Variants in LAMA2 observed in about 807,000 individuals in gnomAD.
LAMA2 encodes laminin subunit alpha-2.
Under a neutral mutation model 364.8 loss-of-function variants are expected in LAMA2, and 269 were observed. The observed-to-expected ratio is 0.74, with a 90% CI of 0.67 to 0.82. The LOEUF is 0.82. Among genes scored for constraint, LAMA2 ranks in the 40% least tolerant of loss-of-function variants. The pLI is 0.00. For missense variants in LAMA2, 3,807 were observed against 3,873.2 expected, an observed-to-expected ratio of 0.98 and a Z score of 0.45; for synonymous variants, 1,379 against 1,370.6, an observed-to-expected ratio of 1.01 and a Z score of -0.14.
At chr6:129,201,447 G>A (rs776682659) in intron 12 of LAMA2, among the ~76,000 whole-genome samples, 1 of 152,090 alleles carries the variant, frequency 6.6e-6, no homozygotes, top group Non-Finnish European at 1.5e-5. Flanking sequence ...GCTAATGAAA[G>A]AATCACTAAA....
intron 60 of LAMA2, 81 bp from the exon 61 acceptor site, chr6:129,505,119 C>G: frequency 2.4e-6 from 3 of 1,249,716 alleles, no homozygotes. Context: ...TTGGTAACAT[C>G]GTTAGAGTCC....
At chr6:129,203,713 T>C (rs975900293) in intron 12 of LAMA2, among the ~76,000 whole-genome samples, 39 of 152,216 alleles carry the variant, frequency 2.6e-4, no homozygotes, top group African/African-American at 8.9e-4. Flanking sequence ...GATGACCTGA[T>C]TCTCTCATTT....
chr6:129,022,724 A>G lies in LAMA2; in HGVS notation c.113-27194A>G, dbSNP rs562079823. ...TTCCTTTCAATAATAAGCAAAAACA[A>G]TTTTCATAGCTACAAACCGCCGACA... On this transcript the variant is annotated intron_variant, in intron 1 of 64. Transcript: ENST00000421865. 2.0e-5 allele frequency among the ~76,000 whole-genome samples: 3 copies of G among 152,292 alleles called. No individual in the cohort carries two copies. The South Asian group carries it at 6.2e-4, about 32-fold the overall frequency.
intron 7 of LAMA2, among the ~76,000 whole-genome samples, chr6:129,152,404 T>A (rs1275315609): frequency 6.6e-6 from 1 of 152,256 alleles, no homozygotes; most frequent in Non-Finnish European, 1.5e-5. Context: ...GGGGAATTTT[T>A]TAAGCGATTA....
At chr6:129,374,149 A>T (rs1011201329) in intron 34 of LAMA2, among the ~76,000 whole-genome samples, 6 of 152,228 alleles carry the variant, frequency 3.9e-5, no homozygotes, top group African/African-American at 1.4e-4. Flanking sequence ...AACATGACCA[A>T]TTCTCTCTTT....
chr6:129,093,581 A>G (rs1774982730), intron 3 of LAMA2, among the ~76,000 whole-genome samples: 1 of 152,172 alleles, frequency 6.6e-6, no homozygotes, highest in Non-Finnish European at 1.5e-5. Context: ...TTTTGAGACT[A>G]AAGGATTCTT....
intron 35 of LAMA2, among the ~76,000 whole-genome samples, chr6:129,388,268 A>C (rs189131054): frequency 0.012 from 1,883 of 151,438 alleles, 32 homozygotes; most frequent in African/African-American, 0.043. Flanking sequence ...AAAAAAAAAA[A>C]CAAAAACAAA....
rs551636060 is a variant in LAMA2, at chr6:129,172,829, A to G, written c.1307-4877A>G. On this transcript the variant is annotated intron_variant, in intron 9 of 64. Coordinates refer to ENST00000421865, the MANE Select transcript of LAMA2 (RefSeq NM_000426.4). ...CTGTGCTAGCAATCAGCGAGACTCC[A>G]TGGGCGTAGGACCCTCCAAGCCAGG... Among the ~76,000 whole-genome samples the G allele has an allele frequency of 5.6e-4, 85 of 152,342 alleles. 1 individual carries two copies. Among genetic ancestry groups the G allele is most frequent in the East Asian group, 3.5e-3 (18 of 5,178 alleles).
intron 1 of LAMA2, among the ~76,000 whole-genome samples, chr6:128,930,717 C>G (rs1187503572): frequency 1.3e-5 from 2 of 152,220 alleles, no homozygotes; most frequent in Non-Finnish European, 2.9e-5. Context: ...CTCAAAGTCT[C>G]TTCTCCCTCC....
chr6:129,203,056 TA>T (rs1232231813), intron 12 of LAMA2, among the ~76,000 whole-genome samples: 1 of 152,200 alleles, frequency 6.6e-6, no homozygotes, highest in African/African-American at 2.4e-5. Flanking sequence ...AAACTTAAAG[TA>T]GAACTTCAAA....
At chr6:128,909,940 T>C (rs928801099) in intron 1 of LAMA2, among the ~76,000 whole-genome samples, 19 of 151,960 alleles carry the variant, frequency 1.3e-4, no homozygotes, top group Admixed American at 6.5e-4. Context: ...AAAATTCTTT[T>C]CTTTAAGAAT....
intron 1 of LAMA2, among the ~76,000 whole-genome samples, chr6:128,996,426 A>T (rs536696246): frequency 2.0e-5 from 3 of 152,344 alleles, no homozygotes; most frequent in African/African-American, 7.2e-5. Flanking sequence ...ACATAAACAA[A>T]TTCACAAGAA....
At chr6:129,471,170 G>T (rs756443881) in intron 51 of LAMA2, among the ~76,000 whole-genome samples, 1 of 151,794 alleles carries the variant, frequency 6.6e-6, no homozygotes, top group African/African-American at 2.4e-5. Flanking sequence ...GTGAAATTTT[G>T]TGTCAATAGC....
chr6:129,083,970 C>T (rs1466688936), intron 3 of LAMA2, among the ~76,000 whole-genome samples: 2 of 152,074 alleles, frequency 1.3e-5, no homozygotes, highest in African/African-American at 2.4e-5. Context: ...CAAACTGCAC[C>T]GCAGGTGTAT....
intron 1 of LAMA2, among the ~76,000 whole-genome samples, chr6:128,998,391 AGGAGCCAAG>A: frequency 1.4e-5 from 1 of 69,136 alleles, no homozygotes; most frequent in Non-Finnish European, 2.7e-5. Context: ...TGACAGGGGG[AGGAGCCAAG>A]ATGGCCGAAT....
chr6:129,087,623 A>G (rs1048746016), intron 3 of LAMA2, among the ~76,000 whole-genome samples: 1 of 152,172 alleles, frequency 6.6e-6, no homozygotes, highest in South Asian at 2.1e-4. Context: ...GAGAAGAACA[A>G]CATAATCAAA....
rs924741960 is a variant in LAMA2, at chr6:129,474,560, T to C, written c.7440-830T>C. Among the ~76,000 whole-genome samples, 33 of 152,272 alleles carry C rather than the reference T, an allele frequency of 2.2e-4. 1 individual carries two copies. Among genetic ancestry groups the C allele is most frequent in the African/African-American group, 7.7e-4 (32 of 41,568 alleles). ...GTTGAGTATCTACTATGTGACAGGCTCCATACCAAATACTAGGAATCCAGT... is the reference window on the plus strand; with the variant it reads ...GTTGAGTATCTACTATGTGACAGGCCCCATACCAAATACTAGGAATCCAGT... On this transcript the variant is annotated intron_variant, in intron 52 of 64. Transcript: ENST00000421865.
At chr6:129,362,083 C>A (rs1281902161) in intron 32 of LAMA2, among the ~76,000 whole-genome samples, 1 of 152,014 alleles carries the variant, frequency 6.6e-6, no homozygotes, top group African/African-American at 2.4e-5. Flanking sequence ...CCACACCCAG[C>A]CAGTAGTAAC....
At chr6:129,065,719 T>C (rs1789252363) in intron 3 of LAMA2, among the ~76,000 whole-genome samples, 1 of 152,150 alleles carries the variant, frequency 6.6e-6, no homozygotes, top group Non-Finnish European at 1.5e-5. Context: ...ATGATTTGGC[T>C]CTGTGTCCCC....
Sources: allele counts gnomAD v4.1 joint callset (sites outside exome capture counted in the v4.1 genomes callset), GRCh38; gene constraint gnomAD v4.1.1; transcripts MANE v1.5; gene names NCBI Gene and HGNC (gene_info 2026-07-23, HGNC 2026-07-21).